The following PTPRJ variants were observed in gnomAD, a reference collection of about 807,000 sequenced individuals.
PTPRJ encodes receptor-type tyrosine-protein phosphatase eta.
In PTPRJ, 129 loss-of-function variants were observed where a neutral mutation model predicts 141.3. The observed-to-expected ratio is 0.91, with a 90% CI of 0.79 to 1.06. The LOEUF (loss-of-function observed/expected upper bound fraction) is 1.06, where lower values mean the gene tolerates loss of function less well. Ranked by LOEUF, PTPRJ falls within the 50% of genes least tolerant of loss-of-function variation. The pLI, the probability that PTPRJ is intolerant of heterozygous loss-of-function variation, is 0.00. For synonymous variants in PTPRJ, 610 were observed against 640.5 expected, an observed-to-expected ratio of 0.95 and a Z score of 0.72; for missense variants, 1,601 against 1,679.7, an observed-to-expected ratio of 0.95 and a Z score of 0.82.
At chr11:48,078,777 T>G (rs1178931584) in intron 1 of PTPRJ, among the ~76,000 whole-genome samples, 2 of 149,136 alleles carry the variant, frequency 1.3e-5, no homozygotes, top group Admixed American at 1.4e-4. Context: ...GAAATTCAAA[T>G]GTCAGTGTCT....
At chr11:47,988,383 G>C (rs931006340) in intron 1 of PTPRJ, among the ~76,000 whole-genome samples, 18 of 151,622 alleles carry the variant, frequency 1.2e-4, no homozygotes, top group Admixed American at 4.6e-4. Context: ...TTGTACCCCA[G>C]CGTGGAGTGC....
At chr11:48,121,318 T>C in intron 4 of PTPRJ, 52 bp downstream of exon 4, 1 of 1,582,970 alleles carries the variant, frequency 6.3e-7, no homozygotes. Context: ...TATTATGGTG[T>C]ATTCTAGGGC....
chr11:48,158,260 A>G lies in PTPRJ; in HGVS notation c.3439-1670A>G, dbSNP rs1857662995. On this transcript the variant is annotated intron_variant, in intron 21 of 24. Transcript: ENST00000418331. The surrounding 1 kb of genome is among the most constrained non-coding windows in gnomAD (Gnocchi z 4.4). ...TATAAATCTATCTGTTAGACAAACA[A>G]AAATGACATAATTACATTAATGGAG... 6.6e-6 allele frequency among the ~76,000 whole-genome samples: 1 copy of G among 152,262 alleles called. No homozygotes were observed. Among genetic ancestry groups the G allele is most frequent in the African/African-American group, 2.4e-5 (1 of 41,466 alleles).
At chr11:47,989,987 A>G (rs1181592935) in intron 1 of PTPRJ, among the ~76,000 whole-genome samples, 1 of 152,244 alleles carries the variant, frequency 6.6e-6, no homozygotes, top group Non-Finnish European at 1.5e-5. Flanking sequence ...AAGTGTGATC[A>G]TATTATGCTA....
At chr11:48,128,880 T>C (rs144600206) in intron 7 of PTPRJ, among the ~76,000 whole-genome samples, 1 of 152,350 alleles carries the variant, frequency 6.6e-6, no homozygotes, top group East Asian at 1.9e-4. Flanking sequence ...AGCATTCTTA[T>C]AGATGTATTT....
At chr11:48,051,083 A>ATTT (rs1854554563) in intron 1 of PTPRJ, among the ~76,000 whole-genome samples, 1 of 99,376 alleles carries the variant, frequency 1.0e-5, no homozygotes, top group East Asian at 3.1e-4. Context: ...TTAACTGATG[A>ATTT]CTTTTTTTTT....
intron 1 of PTPRJ, among the ~76,000 whole-genome samples, chr11:48,095,873 G>C (rs545369295): frequency 6.6e-6 from 1 of 152,142 alleles, no homozygotes; most frequent in Non-Finnish European, 1.5e-5. Context: ...GAGCCACCAT[G>C]CCCTGCCTCA....
rs1299567667 is a variant in PTPRJ, at chr11:48,164,411, G to C, written c.3751G>C (p.Ala1251Pro). ...GGTCGGAAGGACGGGCACTTTCATT[G>C]CCATTGATCGTCTCATCTACCAGAT... ...AGVGRTGTFI[A>P]IDRLIYQIEN... The change falls in exon 24 of 25, where the codon GCC becomes CCC. Residue 1251 changes from alanine (A) to proline (P), a missense_variant. By Grantham distance (27) the Ala-to-Pro change is conservative. Coordinates refer to ENST00000418331, the MANE Select transcript of PTPRJ (RefSeq NM_002843.4). 6.2e-7 allele frequency: 1 copy of C among 1,614,108 alleles called. No individual in the cohort carries two copies. The highest frequency in any genetic ancestry group is 1.6e-4 in the Middle Eastern group (1 of 6,062).
chr11:48,111,845 G>A (rs35800856), intron 2 of PTPRJ, among the ~76,000 whole-genome samples: 7,242 of 152,130 alleles, frequency 0.048, 208 homozygotes, highest in Non-Finnish European at 0.061. Flanking sequence ...TGGGGGTGGC[G>A]GAGCACAAGT....
intron 1 of PTPRJ, among the ~76,000 whole-genome samples, chr11:48,006,260 C>G (rs1239608057): frequency 1.3e-5 from 2 of 152,036 alleles, no homozygotes; most frequent in Non-Finnish European, 2.9e-5. Flanking sequence ...TCCTGCCTCT[C>G]TCAAGGGTGA....
chr11:48,143,067 G>A lies in PTPRJ; in HGVS notation c.2575+17G>A, dbSNP rs777761710. ...CCGGGGAAGGTAAGGAGAGGCCTCC[G>A]TGGGTTAAACAGCCCATGAGTGATG... On this transcript the variant is annotated intron_variant, in intron 12 of 24. Transcript: ENST00000418331. The A allele has an allele frequency of 2.0e-5, 32 of 1,613,706 alleles. No homozygotes were observed. The highest frequency in any genetic ancestry group is 1.7e-4 in the Middle Eastern group (1 of 6,000).
At chr11:48,139,853 G>C (rs1011969160) in intron 11 of PTPRJ, 77 bp downstream of exon 11, 1 of 1,415,104 alleles carries the variant, frequency 7.1e-7, no homozygotes, top group Non-Finnish European at 9.7e-7. Flanking sequence ...GGGTCTGCAC[G>C]TGTGGACTAG....
chr11:48,124,353 C>G (rs1284760416), intron 5 of PTPRJ, among the ~76,000 whole-genome samples: 1 of 152,202 alleles, frequency 6.6e-6, no homozygotes, highest in African/African-American at 2.4e-5. Flanking sequence ...TTGCGAGTGA[C>G]AGAAACCAGA....
rs1021085519 is a variant in PTPRJ, at chr11:48,059,905, C to T, written c.97-50153C>T. ...TCTTACCCACCATACCTGCTGCTGC[C>T]GGATTCAAACCCGAATTGCATTAAG... is the stretch of plus-strand genomic sequence containing the variant. On this transcript the variant is annotated intron_variant, in intron 1 of 24. Coordinates refer to ENST00000418331, the MANE Select transcript of PTPRJ (RefSeq NM_002843.4). 3.9e-5 allele frequency among the ~76,000 whole-genome samples: 6 copies of T among 152,146 alleles called. No homozygotes were observed. The East Asian group carries it at 5.8e-4, about 15-fold the overall frequency.
intron 3 of PTPRJ, among the ~76,000 whole-genome samples, chr11:48,120,291 T>C (rs4752898): frequency 0.9 from 137,297 of 152,228 alleles, 62,141 homozygotes; most frequent in East Asian, 0.97. Context: ...CGCTGCTCTG[T>C]CCCTGCTATC....
At chr11:48,155,411 G>T (rs1018932471) in intron 19 of PTPRJ, among the ~76,000 whole-genome samples, 1 of 152,300 alleles carries the variant, frequency 6.6e-6, no homozygotes, top group African/African-American at 2.4e-5. Context: ...GCAGTGGCTT[G>T]TAGGGTGGTT....
At position 47,993,289 on chromosome 11, in the gene PTPRJ, ATTTG is replaced by A. The variant is rs572936566; in HGVS notation, c.96+12293_96+12296del. Among the ~76,000 whole-genome samples the A allele has an allele frequency of 3.0e-3, 458 of 152,018 alleles. 2 individuals carry two copies. The highest frequency in any genetic ancestry group is 0.02 in the Middle Eastern group (6 of 294). On this transcript the variant is annotated intron_variant, in intron 1 of 24. Coordinates refer to ENST00000418331, the MANE Select transcript of PTPRJ (RefSeq NM_002843.4). Reference sequence around the variant, plus strand: ...GCTAACACTACTGCATTTGTAGTTTATTTGTTTGTTTGTTTTCTTTTTGAGACGA... The same window carrying A: ...GCTAACACTACTGCATTTGTAGTTTATTTGTTTGTTTTCTTTTTGAGACGA...
At chr11:48,106,031 T>C (rs1202709200) in intron 1 of PTPRJ, among the ~76,000 whole-genome samples, 2 of 152,112 alleles carry the variant, frequency 1.3e-5, no homozygotes, top group Non-Finnish European at 2.9e-5. Flanking sequence ...CCTCATTGAG[T>C]GTGTCATCTG....
At position 48,121,268 on chromosome 11, in the gene PTPRJ, T is replaced by C. The variant is rs1196252143; in HGVS notation, c.616+2T>C. On this transcript the variant is annotated splice_donor_variant, in intron 4 of 24. Transcript: ENST00000418331. LOFTEE classifies it high-confidence loss of function. Reference sequence around the variant, plus strand: ...CCAGAGTCATAAAAGTCATCACAGGTAAGATGACTGGCTCCCAGGGATGAT... The same window carrying C: ...CCAGAGTCATAAAAGTCATCACAGGCAAGATGACTGGCTCCCAGGGATGAT... 6.2e-7 allele frequency: 1 copy of C among 1,612,768 alleles called. No individual in the cohort carries two copies.
Sources: gnomAD v4.1 joint callset for allele counts (sites outside exome capture counted in the v4.1 genomes callset) on GRCh38, gnomAD v4.1.1 for gene constraint, Gnocchi (gnomAD v3.1) non-coding constraint, MANE v1.5 for transcripts, NCBI Gene and HGNC (gene_info 2026-07-23, HGNC 2026-07-21) for gene names.